ZC3H3: variants seen among roughly 807,000 people sequenced by gnomAD.
ZC3H3 encodes zinc finger CCCH-type containing 3, also known as zinc finger CCCH domain-containing protein 3.
ZC3H3 carries 36 observed loss-of-function variants against 77.3 expected under a neutral mutation model. That is an observed-to-expected ratio of 0.47 (90% CI 0.36 to 0.61). The LOEUF (loss-of-function observed/expected upper bound fraction) is 0.61. Among genes scored for constraint, ZC3H3 ranks in the 20% least tolerant of loss-of-function variants. The probability of loss-of-function intolerance (pLI) is 0.00; values close to 1 mark genes in which losing one functional copy is unlikely to be tolerated. For missense variants in ZC3H3, 1,331 were observed against 1,312.2 expected, an observed-to-expected ratio of 1.01 and a Z score of -0.22; for synonymous variants, 626 against 555.2, an observed-to-expected ratio of 1.13 and a Z score of -1.79.
Position 143,460,227 on chromosome 8 carries a change from G to A in ZC3H3, c.2307+5490C>T, listed in dbSNP as rs928455846. On this transcript the variant is annotated intron_variant, in intron 9 of 11. Transcript: ENST00000262577. The surrounding 1 kb of genome is among the most constrained non-coding windows in gnomAD (Gnocchi z 4.0). ...CATGCCATTGCACTCCAGCCTGGGC[G>A]ACAGAGTGAGACTATGTCTCAAAAA... 7.9e-5 allele frequency among the ~76,000 whole-genome samples: 12 copies of A among 151,406 alleles called. No homozygotes were observed. The highest frequency in any genetic ancestry group is 1.9e-4 in the East Asian group (1 of 5,158).
chr8:143,525,644 G>C (rs1822388845), intron 3 of ZC3H3, among the ~76,000 whole-genome samples: 1 of 152,226 alleles, frequency 6.6e-6, no homozygotes, highest in South Asian at 2.1e-4. Context: ...GGAAAGAGGG[G>C]GCTCCAGTCA....
In ZC3H3 at chr8:143,460,857, G is replaced by A. The variant is rs1397911129; in HGVS notation, c.2307+4860C>T. Among the ~76,000 whole-genome samples, 3 of 152,162 alleles carry A rather than the reference G, an allele frequency of 2.0e-5. No homozygotes were observed. The highest frequency in any genetic ancestry group is 2.4e-5 in the African/African-American group (1 of 41,430). On this transcript the variant is annotated intron_variant, in intron 9 of 11. Coordinates refer to ENST00000262577, the MANE Select transcript of ZC3H3 (RefSeq NM_015117.3). The surrounding 1 kb of genome is among the most constrained non-coding windows in gnomAD (Gnocchi z 4.0). ...GGAAACATTACGCTGCGTGAAAGAC[G>A]CCAGACACCAAAGGACAGAATGTAC... is the stretch of plus-strand genomic sequence containing the variant.
At chr8:143,507,426 C>T (rs749759681) in intron 4 of ZC3H3, among the ~76,000 whole-genome samples, 3 of 152,274 alleles carry the variant, frequency 2.0e-5, no homozygotes, top group Non-Finnish European at 4.4e-5. Flanking sequence ...TGGGCCCTGA[C>T]CGTCTGGGCA....
At position 143,533,399 on chromosome 8, in the gene ZC3H3, T is replaced by C. The variant is rs1822685210; in HGVS notation, c.1561+2858A>G. On this transcript the variant is annotated intron_variant, in intron 3 of 11. Coordinates refer to ENST00000262577, the MANE Select transcript of ZC3H3 (RefSeq NM_015117.3). This position sits in a 1 kb window ranked among gnomAD's most constrained non-coding sequence, Gnocchi z 4.0. ...CACCTCTCTGCAGCTGGCCCTGTGC[T>C]CTCCCCCTGCCTGTTCCTCAGAAGG... Among the ~76,000 whole-genome samples, 1 of 152,082 alleles carries C rather than the reference T, an allele frequency of 6.6e-6. No homozygotes were observed. The highest frequency in any genetic ancestry group is 1.5e-5 in the Non-Finnish European group (1 of 68,008).
chr8:143,511,374 G>A (rs1442518966), intron 3 of ZC3H3, among the ~76,000 whole-genome samples: 1 of 152,260 alleles, frequency 6.6e-6, no homozygotes, highest in East Asian at 1.9e-4. Flanking sequence ...GAGCAGGAGT[G>A]AGGGAGAGTT....
intron 3 of ZC3H3, among the ~76,000 whole-genome samples, chr8:143,518,716 C>G (rs1031052415): frequency 2.0e-5 from 3 of 152,220 alleles, no homozygotes; most frequent in African/African-American, 7.2e-5. Context: ...GGAGATGGCA[C>G]GTGGGAGCCA....
intron 3 of ZC3H3, among the ~76,000 whole-genome samples, chr8:143,521,121 A>T (rs1224684324): frequency 6.6e-6 from 1 of 151,968 alleles, no homozygotes; most frequent in Non-Finnish European, 1.5e-5. Context: ...CCCAGCCCAG[A>T]GGGTTCTCAA....
intron 7 of ZC3H3, 40 bp downstream of exon 7, chr8:143,468,342 C>T: frequency 6.2e-7 from 1 of 1,611,678 alleles, no homozygotes; most frequent in East Asian, 2.2e-5. Flanking sequence ...GGGCCCTGCA[C>T]AGAACCTCCC....
At chr8:143,520,918 C>T (rs940639778) in intron 3 of ZC3H3, among the ~76,000 whole-genome samples, 3 of 152,224 alleles carry the variant, frequency 2.0e-5, no homozygotes, top group African/African-American at 7.2e-5. Context: ...CAGCAGCACC[C>T]TCCATGGCTG....
chr8:143,507,620 C>A, intron 4 of ZC3H3, 126 bp downstream of exon 4: 1 of 1,178,884 alleles, frequency 8.5e-7, no homozygotes. Flanking sequence ...CCAACGAGCC[C>A]AACACCAAGC....
intron 9 of ZC3H3, among the ~76,000 whole-genome samples, chr8:143,445,811 G>A (rs905621890): frequency 6.6e-6 from 1 of 152,060 alleles, no homozygotes; most frequent in Admixed American, 6.5e-5. Flanking sequence ...CCACCAAACC[G>A]AGCTACAGAT....
rs746272939 is a variant in ZC3H3, at chr8:143,538,144, G to A, written c.1223C>T (p.Ser408Phe). Residue 408 changes from serine to phenylalanine, a missense_variant, in exon 2 of 12, where the codon TCC (serine) becomes TTC (phenylalanine). Around this residue, in one of 3 missense-constraint regions of ZC3H3, gnomAD observed 978 missense variants for 915.5 expected, o/e 1.07. Coordinates refer to ENST00000262577, the MANE Select transcript of ZC3H3 (RefSeq NM_015117.3). ...ASSKDHASQL[S>F]PVLSRSPSGD... The stretch of plus-strand genomic sequence containing the variant: ...CGACGGGGACCTAGACAGGACTGGG[G>A]AGAGCTGGGAGGCATGGTCCTTGCT... 6.8e-6 allele frequency: 11 copies of A among 1,612,990 alleles called. No homozygotes were observed. Among genetic ancestry groups the A allele is most frequent in the Admixed American group, 1.7e-5 (1 of 60,014 alleles).
intron 1 of ZC3H3, 131 bp downstream of exon 1, chr8:143,541,245 A>G: frequency 6.6e-7 from 1 of 1,509,660 alleles, no homozygotes; most frequent in African/African-American, 1.4e-5. Flanking sequence ...GGCGGACCCT[A>G]CCGTCCCCCA....
intron 3 of ZC3H3, among the ~76,000 whole-genome samples, chr8:143,521,969 G>A (rs1381766230): frequency 2.0e-5 from 3 of 152,202 alleles, no homozygotes; most frequent in Non-Finnish European, 4.4e-5. Context: ...GGGCTCAGGG[G>A]ATACCCGCAA....
intron 3 of ZC3H3, among the ~76,000 whole-genome samples, chr8:143,527,022 G>T (rs11780836): frequency 0.18 from 27,711 of 152,138 alleles, 2,850 homozygotes; most frequent in Non-Finnish European, 0.24. Flanking sequence ...CAGAGTGGGA[G>T]GAGGACCAGG....
chr8:143,477,716 C>T (rs555558712), intron 4 of ZC3H3, among the ~76,000 whole-genome samples: 57 of 152,336 alleles, frequency 3.7e-4, no homozygotes, highest in Non-Finnish European at 6.0e-4. Flanking sequence ...GGGGGACACT[C>T]AGCTTGACCC....
intron 3 of ZC3H3, among the ~76,000 whole-genome samples, chr8:143,512,204 G>C (rs1204627814): frequency 6.6e-6 from 1 of 152,250 alleles, no homozygotes; most frequent in Non-Finnish European, 1.5e-5. Flanking sequence ...GCGCTGCCCA[G>C]GGTGACGGAT....
rs201511669 is a variant in ZC3H3 at position 143,536,410 on chromosome 8, C to T, written c.1408G>A (p.Ala470Thr). The T allele has an allele frequency of 1.4e-5, 22 of 1,558,360 alleles. No homozygotes were observed. The highest frequency in any genetic ancestry group is 1.7e-4 in the Middle Eastern group (1 of 5,838). The change falls in exon 3 of 12, where the codon GCC becomes ACC. Residue 470 changes from alanine to threonine, a missense_variant. Around this residue, in one of 3 missense-constraint regions of ZC3H3, gnomAD observed 978 missense variants for 915.5 expected, o/e 1.07. Coordinates refer to ENST00000262577, the MANE Select transcript of ZC3H3 (RefSeq NM_015117.3). ...CGCCGGAGGCTGAGGTGGCTCTTGG[C>T]GGTGGCGGCAGGTGAGGTGCCGCTT... ...KKSGTSPAAT[A>T]KSHLSLRRRQ... is the part of the protein sequence containing the mutation.
intron 4 of ZC3H3, among the ~76,000 whole-genome samples, chr8:143,499,056 C>T (rs1282397980): frequency 2.6e-5 from 4 of 152,068 alleles, no homozygotes; most frequent in African/African-American, 7.2e-5. Context: ...GGAGAGCTGC[C>T]GAAACCACGC....
Sources: gnomAD v4.1 joint callset for allele counts (sites outside exome capture counted in the v4.1 genomes callset) on GRCh38, gnomAD v4.1.1 for gene constraint, gnomAD v4.1.1 regional missense constraint, Gnocchi (gnomAD v3.1) non-coding constraint, MANE v1.5 for transcripts, NCBI Gene and HGNC (gene_info 2026-07-23, HGNC 2026-07-21) for gene names.